DAB2: variants seen among roughly 807,000 people sequenced by gnomAD.
DAB2 encodes the protein disabled homolog 2.
In DAB2, 28 loss-of-function variants were observed where a neutral mutation model predicts 71.6. That is an observed-to-expected ratio of 0.39 (90% CI 0.29 to 0.54). DAB2 has a LOEUF of 0.54. DAB2 is among the 20% of genes least tolerant of loss of function. The pLI, the probability that DAB2 is intolerant of heterozygous loss-of-function variation, is 0.68. For missense variants in DAB2, 867 were observed against 928.8 expected (o/e 0.93, Z 0.86); for synonymous variants, 345 against 339.7 (o/e 1.02, Z -0.17).
rs772251520 is a variant in DAB2 at position 39,382,688 on chromosome 5, G to C, written c.1271C>G (p.Pro424Arg). The change falls in exon 10 of 15, where the codon CCA becomes CGA. Residue 424 changes from proline to arginine, a missense_variant. Pro to Arg is a moderately radical substitution (Grantham distance 103). Around this residue, in one of 2 missense-constraint regions of DAB2, gnomAD observed 740 missense variants for 734.3 expected, o/e 1.01. Transcript: ENST00000320816. Reference protein sequence around the residue: ...QDLESSVQSSPHDSIAIIPPP... With the variant: ...QDLESSVQSSRHDSIAIIPPP... Reference sequence around the variant, plus strand: ...TGGGATAATGGCTATGGAGTCATGTGGTGAGGACTGGACAGAGCTTTCCAA... The same window carrying C: ...TGGGATAATGGCTATGGAGTCATGTCGTGAGGACTGGACAGAGCTTTCCAA... 3.1e-6 allele frequency: 5 copies of C among 1,614,160 alleles called. No individual in the cohort carries two copies. The highest frequency in any genetic ancestry group is 2.2e-5 in the East Asian group (1 of 44,880).
At chr5:39,393,979 A>C (rs1755296221) in intron 2 of DAB2, among the ~76,000 whole-genome samples, 1 of 152,238 alleles carries the variant, frequency 6.6e-6, no homozygotes, top group Non-Finnish European at 1.5e-5. Flanking sequence ...TTATTAACTG[A>C]ACAAGATGCC....
At chr5:39,379,232 C>A (rs1333885072) in intron 11 of DAB2, among the ~76,000 whole-genome samples, 1 of 151,944 alleles carries the variant, frequency 6.6e-6, no homozygotes, top group Non-Finnish European at 1.5e-5. Context: ...AGTGGGAGGA[C>A]CACTTGAGGC....
chr5:39,397,058 G>T (rs1041644472), intron 1 of DAB2, among the ~76,000 whole-genome samples: 1 of 152,188 alleles, frequency 6.6e-6, no homozygotes, highest in Admixed American at 6.5e-5. Context: ...CTGGTGAAGG[G>T]ACTCGGACAT....
At position 39,377,229 on chromosome 5, in the gene DAB2, C is replaced by A; in HGVS notation, c.1558G>T (p.Val520Phe). 6.2e-7 allele frequency: 1 copy of A among 1,614,068 alleles called. No individual in the cohort carries two copies. The highest frequency in any genetic ancestry group is 8.5e-7 in the Non-Finnish European group (1 of 1,179,994). Residue 520 changes from valine to phenylalanine, a missense_variant, in exon 12 of 15, where the codon GTC becomes TTC. By Grantham distance (50) the Val-to-Phe change is conservative (BLOSUM62 -1). Around this residue, in one of 2 missense-constraint regions of DAB2, gnomAD observed 740 missense variants for 734.3 expected, o/e 1.01. Coordinates refer to ENST00000320816, the MANE Select transcript of DAB2 (RefSeq NM_001343.4). Reference protein sequence around the residue: ...QAGPWNTASLVFNQSPSMAPG... With the variant: ...QAGPWNTASLFFNQSPSMAPG... ...GCCATTGAAGGGGACTGATTGAAGA[C>A]CAAAGATGCTGTGTTCCATGGTCCT...
intron 4 of DAB2, chr5:39,392,162 A>G: frequency 1.9e-6 from 1 of 538,552 alleles, no homozygotes; most frequent in Non-Finnish European, 3.3e-6. Context: ...ATTCACATTT[A>G]TTATAGAACA....
At chr5:39,398,177 A>C (rs1415133057) in intron 1 of DAB2, among the ~76,000 whole-genome samples, 1 of 152,216 alleles carries the variant, frequency 6.6e-6, no homozygotes, top group Non-Finnish European at 1.5e-5. Context: ...AGACTATTTT[A>C]AAAGAATTTG....
rs77032919 is a variant in DAB2, at chr5:39,377,728, C to T, written c.1505-446G>A. 4.3e-3 allele frequency among the ~76,000 whole-genome samples: 661 copies of T among 152,316 alleles called. 1 individual carries two copies. Among genetic ancestry groups the T allele is most frequent in the Non-Finnish European group, 5.8e-3 (394 of 68,026 alleles). On this transcript the variant is annotated intron_variant, in intron 11 of 14. Transcript: ENST00000320816. ...TAGTTAATTAAGATAATCCATTGGACTCTCTGAGTCACAGATTTGATCTTT... is the reference window on the plus strand; with the variant it reads ...TAGTTAATTAAGATAATCCATTGGATTCTCTGAGTCACAGATTTGATCTTT...
At chr5:39,375,283 T>C (rs764115430) in intron 13 of DAB2, among the ~76,000 whole-genome samples, 199 bp from the exon 14 acceptor site, 3 of 152,178 alleles carry the variant, frequency 2.0e-5, no homozygotes, top group Non-Finnish European at 4.4e-5. Flanking sequence ...AAAATCAAGG[T>C]TCAGATGCAT....
chr5:39,397,365 C>T (rs1037467076), intron 1 of DAB2, among the ~76,000 whole-genome samples: 1 of 152,182 alleles, frequency 6.6e-6, no homozygotes, highest in African/African-American at 2.4e-5. Context: ...CCCCCTCCTG[C>T]AAGCTTTATA....
chr5:39,418,506 A>C (rs1755900822), intron 1 of DAB2, among the ~76,000 whole-genome samples: 1 of 152,164 alleles, frequency 6.6e-6, no homozygotes, highest in Admixed American at 6.5e-5. Flanking sequence ...CAATATGGAC[A>C]CAATTAGGGA....
At chr5:39,391,059 T>C (rs1184874774) in intron 4 of DAB2, among the ~76,000 whole-genome samples, 3 of 152,206 alleles carry the variant, frequency 2.0e-5, no homozygotes, top group African/African-American at 7.2e-5. Flanking sequence ...CAGTATATTC[T>C]GGAGGATACC....
At chr5:39,381,673 G>A in intron 10 of DAB2, 57 bp from the exon 11 acceptor site, 1 of 1,593,292 alleles carries the variant, frequency 6.3e-7, no homozygotes, top group Middle Eastern at 1.9e-4. Flanking sequence ...GTGAAATACA[G>A]CCTCATTTTG....
At chr5:39,379,191 C>A (rs930048951) in intron 11 of DAB2, among the ~76,000 whole-genome samples, 6 of 152,082 alleles carry the variant, frequency 3.9e-5, no homozygotes, top group Non-Finnish European at 8.8e-5. Flanking sequence ...CAGTGGCTTA[C>A]ACCTGTAATC....
At position 39,394,150 on chromosome 5, in the gene DAB2, A is replaced by G. The variant is rs1406829548; in HGVS notation, c.91+80T>C. 3.5e-6 allele frequency: 4 copies of G among 1,152,188 alleles called. No individual in the cohort carries two copies. In the East Asian group the frequency reaches 7.1e-5, roughly 20 times the overall value. The allele number at this position is 1,152,188 out of a possible 1,614,324, so 71.4% of individuals were successfully genotyped here. On this transcript the variant is annotated intron_variant, in intron 2 of 14. Transcript: ENST00000320816. ...TGAAGGAAGATCAGAGCCAGCCCTT[A>G]CTTTATTCTGAATCTCACATTTCTC...
At chr5:39,403,593 T>C (rs981882990) in intron 1 of DAB2, among the ~76,000 whole-genome samples, 3 of 152,204 alleles carry the variant, frequency 2.0e-5, no homozygotes, top group African/African-American at 7.2e-5. Context: ...GGTCAAACTG[T>C]CTCATTAATA....
chr5:39,389,353 G>A (rs933495506), intron 6 of DAB2, among the ~76,000 whole-genome samples: 1 of 151,942 alleles, frequency 6.6e-6, no homozygotes, highest in Non-Finnish European at 1.5e-5. Context: ...GAATCTCATA[G>A]AGAGAAAAAA....
chr5:39,393,139 G>A (rs1462470471), intron 3 of DAB2, 115 bp downstream of exon 3: 1 of 1,058,738 alleles, frequency 9.4e-7, no homozygotes, highest in East Asian at 2.4e-5. Flanking sequence ...GATGGATAAT[G>A]TGATTAAAAG....
chr5:39,391,385 A>G (rs1021898900), intron 4 of DAB2, among the ~76,000 whole-genome samples: 1 of 152,178 alleles, frequency 6.6e-6, no homozygotes, highest in African/African-American at 2.4e-5. Context: ...GAAGGGTGAG[A>G]GAAACATGCC....
At chr5:39,423,976 T>G (rs968254444) in intron 1 of DAB2, 1 of 152,164 alleles carries the variant, frequency 6.6e-6, no homozygotes, top group African/African-American at 2.4e-5. Context: ...TTAATCCAGT[T>G]GAATTTCCCT....
Sources: gnomAD v4.1 joint callset for allele counts (sites outside exome capture counted in the v4.1 genomes callset) on GRCh38, gnomAD v4.1.1 for gene constraint, gnomAD v4.1.1 regional missense constraint, MANE v1.5 for transcripts, NCBI Gene and HGNC (gene_info 2026-07-23, HGNC 2026-07-21) for gene names.